ABCC1: variants seen among roughly 807,000 people sequenced by gnomAD.
The protein encoded by ABCC1 is ATP binding cassette subfamily C member 1 (ABCC1 blood group), also known as multidrug resistance-associated protein 1.
Under a neutral mutation model 172.9 loss-of-function variants are expected in ABCC1, and 83 were observed. The observed-to-expected ratio is 0.48, with a 90% CI of 0.40 to 0.58. The LOEUF (loss-of-function observed/expected upper bound fraction) is 0.58. Among genes scored for constraint, ABCC1 ranks in the 20% least tolerant of loss-of-function variants. The probability of loss-of-function intolerance (pLI) is 0.00; values close to 1 mark genes in which losing one functional copy is unlikely to be tolerated. For synonymous variants in ABCC1, 937 were observed against 825.2 expected (o/e 1.14, Z -2.32); for missense variants, 1,817 against 2,002.7 (o/e 0.91, Z 1.77).
intron 1 of ABCC1, among the ~76,000 whole-genome samples, chr16:15,997,132 C>T (rs1334852963): frequency 6.7e-6 from 1 of 149,552 alleles, no homozygotes; most frequent in Non-Finnish European, 1.5e-5. Context: ...CGCTCTATCG[C>T]CCAGGCTGGA....
intron 28 of ABCC1, 107 bp downstream of exon 28, chr16:16,134,615 C>A (rs2152149424): frequency 6.8e-4 from 443 of 655,518 alleles, no homozygotes; most frequent in Non-Finnish European, 8.5e-4. Flanking sequence ...TTTGGCCCTA[C>A]TTCATCGTTC....
At chr16:16,108,557 G>A (rs1236658263) in intron 21 of ABCC1, among the ~76,000 whole-genome samples, 2 of 150,330 alleles carry the variant, frequency 1.3e-5, no homozygotes, top group Non-Finnish European at 3.0e-5. Flanking sequence ...TTATAGGCAT[G>A]AGCCACTGCG....
At chr16:16,101,792 A>G (rs1183675088) in intron 19 of ABCC1, among the ~76,000 whole-genome samples, 2 of 152,160 alleles carry the variant, frequency 1.3e-5, no homozygotes, top group African/African-American at 4.8e-5. Flanking sequence ...CACTTGATAA[A>G]TGTTGGCTGT....
intron 23 of ABCC1, among the ~76,000 whole-genome samples, chr16:16,117,359 GA>G (rs967859797): frequency 6.6e-6 from 1 of 152,108 alleles, no homozygotes; most frequent in Non-Finnish European, 1.5e-5. Context: ...AGGGTTGGGG[GA>G]AACTGCCCCC....
At chr16:15,997,744 A>G (rs1458289374) in intron 1 of ABCC1, among the ~76,000 whole-genome samples, 1 of 151,698 alleles carries the variant, frequency 6.6e-6, no homozygotes, top group Non-Finnish European at 1.5e-5. Flanking sequence ...TGGAGTTGTT[A>G]AAGTAAAGAA....
intron 20 of ABCC1, among the ~76,000 whole-genome samples, chr16:16,104,655 G>C (rs540088109): frequency 2.6e-5 from 4 of 152,330 alleles, no homozygotes; most frequent in African/African-American, 7.2e-5. Flanking sequence ...TGCCAGTCCC[G>C]TGCCGTGCGC....
chr16:16,072,328 A>C (rs1416751984), intron 14 of ABCC1, among the ~76,000 whole-genome samples: 2 of 151,898 alleles, frequency 1.3e-5, no homozygotes, highest in East Asian at 3.9e-4. Flanking sequence ...CTACAGGCAC[A>C]CACAGCACCA....
At chr16:16,051,319 C>A (rs984536007) in intron 10 of ABCC1, among the ~76,000 whole-genome samples, 1 of 151,786 alleles carries the variant, frequency 6.6e-6, no homozygotes, top group East Asian at 1.9e-4. Flanking sequence ...TACAGGTGCA[C>A]GCCACCATGC....
At chr16:16,022,244 C>G (rs900956169) in intron 5 of ABCC1, among the ~76,000 whole-genome samples, 1 of 152,172 alleles carries the variant, frequency 6.6e-6, no homozygotes, top group Non-Finnish European at 1.5e-5. Context: ...CCCCAGCTGG[C>G]CCTGCTCCCA....
rs752932754 is a variant in ABCC1, at chr16:16,045,929, C to A, written c.1134C>A (p.Thr378=). ...VLLFVTACLQ[T]LVLHQYFHIC... ...TGTTTGTCACTGCCTGCCTGCAGAC[C>A]CTCGTGCTGCACCAGTACTTCCACA... The change falls in exon 9 of 31, where the codon ACC becomes ACA. Residue 378 remains threonine, a synonymous_variant. Transcript: ENST00000399410. 18 of 1,614,042 alleles carry A rather than the reference C, an allele frequency of 1.1e-5. No homozygotes were observed. The South Asian group carries it at 2.0e-4, about 18-fold the overall frequency.
chr16:16,110,891 A>G (rs1404055671), intron 21 of ABCC1, among the ~76,000 whole-genome samples: 1 of 152,014 alleles, frequency 6.6e-6, no homozygotes, highest in African/African-American at 2.4e-5. Context: ...GCATGAGGGC[A>G]GAGACCCTGA....
chr16:15,967,007 T>A (rs1479748623), intron 1 of ABCC1, among the ~76,000 whole-genome samples: 1 of 152,104 alleles, frequency 6.6e-6, no homozygotes, highest in Non-Finnish European at 1.5e-5. Flanking sequence ...GGCTCTTTCA[T>A]CTTTAACTTT....
intron 19 of ABCC1, 113 bp downstream of exon 19, chr16:16,090,701 T>TGAG (rs1303206182): frequency 4.4e-5 from 54 of 1,223,816 alleles, no homozygotes; most frequent in Non-Finnish European, 5.6e-5. Flanking sequence ...CCTCAGGGCA[T>TGAG]GAGGGTGGGA....
intron 28 of ABCC1, among the ~76,000 whole-genome samples, chr16:16,135,373 A>T (rs1254867964): frequency 6.6e-6 from 1 of 152,100 alleles, no homozygotes. Flanking sequence ...CTTTACAACC[A>T]TGAGTACCCA....
intron 14 of ABCC1, among the ~76,000 whole-genome samples, chr16:16,072,167 T>C (rs2050373265): frequency 7.1e-6 from 1 of 140,046 alleles, no homozygotes; most frequent in South Asian, 2.2e-4. Context: ...TTTCTTTGGC[T>C]GAGTGTTACT....
At position 16,095,473 on chromosome 16, in the gene ABCC1, C is replaced by T. The variant is rs181079066; in HGVS notation, c.2644+4885C>T. 5.1e-3 allele frequency among the ~76,000 whole-genome samples: 780 copies of T among 152,290 alleles called. 1 individual carries two copies. The highest frequency in any genetic ancestry group is 7.6e-3 in the Admixed American group (117 of 15,302). ...GGCAGGCAAGCAGGGTAGAGGCCAGCGATGTCGCTAAACATCCTACAGCAC... is the reference window on the plus strand; with the variant it reads ...GGCAGGCAAGCAGGGTAGAGGCCAGTGATGTCGCTAAACATCCTACAGCAC... On this transcript the variant is annotated intron_variant, in intron 19 of 30. Transcript: ENST00000399410.
intron 1 of ABCC1, 81 bp downstream of exon 1, chr16:15,949,880 G>T: frequency 1.8e-6 from 2 of 1,117,160 alleles, no homozygotes; most frequent in East Asian, 3.8e-5. Context: ...GCAGCCGCCC[G>T]GGGCACCCCG....
At chr16:16,134,815 A>G (rs2045857121) in intron 28 of ABCC1, among the ~76,000 whole-genome samples, 1 of 151,596 alleles carries the variant, frequency 6.6e-6, no homozygotes, top group African/African-American at 2.4e-5. Flanking sequence ...TTTGTTTTGT[A>G]CTTTTTTGTG....
At chr16:15,976,776 A>G (rs1407118736) in intron 1 of ABCC1, among the ~76,000 whole-genome samples, 2 of 152,204 alleles carry the variant, frequency 1.3e-5, no homozygotes, top group African/African-American at 2.4e-5. Flanking sequence ...CGAGTATTCT[A>G]TCTTCCCAAC....
Sources: gnomAD v4.1 joint callset for allele counts (sites outside exome capture counted in the v4.1 genomes callset) on GRCh38, gnomAD v4.1.1 for gene constraint, MANE v1.5 for transcripts, NCBI Gene and HGNC (gene_info 2026-07-23, HGNC 2026-07-21) for gene names.